FA2H: variants seen among roughly 807,000 people sequenced by gnomAD.
The protein encoded by FA2H is fatty acid alpha-hydroxylase.
A neutral mutation model predicts 44.9 loss-of-function variants in FA2H; 22 were observed. That is an observed-to-expected ratio of 0.49 (90% CI 0.35 to 0.70). FA2H has a LOEUF of 0.70. Among genes scored for constraint, FA2H ranks in the 30% least tolerant of loss-of-function variants. The pLI, the probability that FA2H is intolerant of heterozygous loss-of-function variation, is 0.01. For missense variants in FA2H, 501 were observed against 504.9 expected (o/e 0.99, Z 0.07); for synonymous variants, 243 against 213.2 (o/e 1.14, Z -1.22).
At chr16:74,767,105 T>C (rs1375422464) in intron 1 of FA2H, among the ~76,000 whole-genome samples, 7 of 151,732 alleles carry the variant, frequency 4.6e-5, no homozygotes, top group Non-Finnish European at 8.8e-5. Context: ...GGTTAAGAGA[T>C]CAAGATCATC....
chr16:74,717,637 G>A (rs118054363), intron 5 of FA2H, among the ~76,000 whole-genome samples: 175 of 152,344 alleles, frequency 1.1e-3, no homozygotes, highest in Non-Finnish European at 1.9e-3. Flanking sequence ...TCCTTAGATG[G>A]ATAGGTCTGG....
chr16:74,723,323 C>T (rs1307346405), intron 4 of FA2H, among the ~76,000 whole-genome samples: 1 of 152,196 alleles, frequency 6.6e-6, no homozygotes, highest in Non-Finnish European at 1.5e-5. Context: ...CAGGCTCCAT[C>T]TTGGAAACTC....
chr16:74,737,674 A>C (rs1962208710), intron 2 of FA2H, among the ~76,000 whole-genome samples: 1 of 152,152 alleles, frequency 6.6e-6, no homozygotes, highest in Non-Finnish European at 1.5e-5. Flanking sequence ...TTTGGCAGCA[A>C]TCACAGTACT....
At chr16:74,736,783 C>T (rs1378698940) in intron 2 of FA2H, among the ~76,000 whole-genome samples, 1 of 152,152 alleles carries the variant, frequency 6.6e-6, no homozygotes, top group Non-Finnish European at 1.5e-5. Context: ...GCCACTCCCT[C>T]TCCTACTCAC....
At chr16:74,729,004 ATTTTTTT>A (rs35360701) in intron 2 of FA2H, among the ~76,000 whole-genome samples, 19 of 38,988 alleles carry the variant, frequency 4.9e-4, no homozygotes, top group Admixed American at 3.9e-3. Flanking sequence ...GATGGTCTTG[ATTTTTTT>A]TTTTTTTTTT....
At chr16:74,716,241 C>A in intron 6 of FA2H, 106 bp downstream of exon 6, 2 of 1,322,976 alleles carry the variant, frequency 1.5e-6, no homozygotes, top group Non-Finnish European at 2.1e-6. Flanking sequence ...TCTGTATATG[C>A]CCCGTACATG....
In FA2H at chr16:74,727,197, C is replaced by T. The variant is rs542100771; in HGVS notation, c.506+47G>A. The T allele has an allele frequency of 6.1e-4, 977 of 1,612,956 alleles. 19 individuals are homozygous for T. In the South Asian group the frequency reaches 9.1e-3, roughly 15 times the overall value. On this transcript the variant is annotated intron_variant, in intron 3 of 6. Transcript: ENST00000219368. ...CTCCCTTTCCATATCTGATTGGCAC[C>T]GTCAGAAGAGAGGGACAGCCTGCCA... is the stretch of plus-strand genomic sequence containing the variant.
intron 1 of FA2H, among the ~76,000 whole-genome samples, chr16:74,766,344 G>A (rs1962808327): frequency 6.6e-6 from 1 of 152,038 alleles, no homozygotes; most frequent in Non-Finnish European, 1.5e-5. Context: ...TGTAAGATAG[G>A]TTCAGGTAAA....
rs558252784 is a variant in FA2H at position 74,722,068 on chromosome 16, C to A, written c.614-2908G>T. Among the ~76,000 whole-genome samples the A allele has an allele frequency of 7.2e-4, 110 of 152,308 alleles. 2 individuals are homozygous for A. In the South Asian group the frequency reaches 0.022, roughly 31 times the overall value. ...GGCCCAAAGTCCATGACTTGCCAGG[C>A]TCCCCCTGCTCGGCAGTGCAAAGCC... On this transcript the variant is annotated intron_variant, in intron 4 of 6. Coordinates refer to ENST00000219368, the MANE Select transcript of FA2H (RefSeq NM_024306.5).
At chr16:74,741,808 A>ATATATATATATATATATATGTGTG (rs1491185782) in intron 1 of FA2H, among the ~76,000 whole-genome samples, 11 of 48,404 alleles carry the variant, frequency 2.3e-4, no homozygotes, top group Non-Finnish European at 2.8e-4. Flanking sequence ...ATATATATAT[A>ATATATATATATATATATATGTGTG]TGTGTGTGTG....
intron 1 of FA2H, among the ~76,000 whole-genome samples, chr16:74,760,943 G>A (rs1164247857): frequency 1.3e-5 from 2 of 152,076 alleles, no homozygotes; most frequent in African/African-American, 4.8e-5. Flanking sequence ...AAGAGTTCAA[G>A]TAGAAATCTA....
At chr16:74,725,113 G>A (rs1240111075) in intron 4 of FA2H, among the ~76,000 whole-genome samples, 1 of 152,232 alleles carries the variant, frequency 6.6e-6, no homozygotes, top group Non-Finnish European at 1.5e-5. Flanking sequence ...ATGGCTCGAG[G>A]GATGCCTGCA....
intron 2 of FA2H, among the ~76,000 whole-genome samples, chr16:74,731,640 C>T (rs571515129): frequency 1.3e-5 from 2 of 152,222 alleles, no homozygotes; most frequent in African/African-American, 4.8e-5. Context: ...CCCGCCTCAG[C>T]CTTCTGAGTA....
chr16:74,718,978 C>T lies in FA2H; in HGVS notation c.786+10G>A. 2 of 1,613,198 alleles carry T rather than the reference C, an allele frequency of 1.2e-6. No homozygotes were observed. The highest frequency in any genetic ancestry group is 1.7e-6 in the Non-Finnish European group (2 of 1,180,012). ...ATGCTAGGTCCGGGCTGGGACCCCG[C>T]CCCGCTCACCTTGTGGTGCTGGCCG... On this transcript the variant is annotated intron_variant, in intron 5 of 6. Transcript: ENST00000219368.
At chr16:74,733,870 A>G (rs983784312) in intron 2 of FA2H, among the ~76,000 whole-genome samples, 1 of 152,204 alleles carries the variant, frequency 6.6e-6, no homozygotes. Flanking sequence ...CTTGGGGAGC[A>G]GATTCTGGAC....
intron 2 of FA2H, among the ~76,000 whole-genome samples, chr16:74,735,408 C>A (rs144938184): frequency 4.2e-3 from 636 of 152,294 alleles, no homozygotes; most frequent in Non-Finnish European, 7.1e-3. Flanking sequence ...AGCCCTATGA[C>A]CCTCCCGTCA....
At chr16:74,745,799 A>ATTTTTTTTTTTTTTTTTTTTTTTTTTT (rs11365398) in intron 1 of FA2H, among the ~76,000 whole-genome samples, 1 of 72,428 alleles carries the variant, frequency 1.4e-5, no homozygotes, top group African/African-American at 5.0e-5. Context: ...CTGTCAATGG[A>ATTTTTTTTTTTTTTTTTTTTTTTTTTT]TTTTTTTTTT....
At chr16:74,725,664 G>A (rs868847357) in intron 4 of FA2H, among the ~76,000 whole-genome samples, 5 of 152,196 alleles carry the variant, frequency 3.3e-5, no homozygotes, top group Admixed American at 1.3e-4. Flanking sequence ...GGGTAAATGA[G>A]GCGGTCCTGG....
intron 1 of FA2H, among the ~76,000 whole-genome samples, chr16:74,773,693 A>C (rs1962951345): frequency 6.6e-6 from 1 of 152,194 alleles, no homozygotes; most frequent in African/African-American, 2.4e-5. Flanking sequence ...AGCCTCCCTG[A>C]GCCTCAGATT....
Sources: gnomAD v4.1 joint callset for allele counts (sites outside exome capture counted in the v4.1 genomes callset) on GRCh38, gnomAD v4.1.1 for gene constraint, MANE v1.5 for transcripts, NCBI Gene and HGNC (gene_info 2026-07-23, HGNC 2026-07-21) for gene names.